The following PLEKHA8 variants were observed in gnomAD, a reference collection of about 807,000 sequenced individuals.
The protein encoded by PLEKHA8 is pleckstrin homology domain containing A8, also known as pleckstrin homology domain-containing family A member 8.
A neutral mutation model predicts 68.2 loss-of-function variants in PLEKHA8; 36 were observed. The ratio of observed to expected loss-of-function variants is 0.53; its 90% CI spans 0.40 to 0.70. PLEKHA8 has a LOEUF of 0.70. PLEKHA8 is among the 30% of genes least tolerant of loss of function. The pLI is 0.00. For missense variants in PLEKHA8, 505 were observed against 615.4 expected (o/e 0.82, Z 1.90); for synonymous variants, 211 against 216.1 (o/e 0.98, Z 0.20).
chr7:30,083,666 T>C lies in PLEKHA8; in HGVS notation c.*4879T>C. On this transcript the variant is annotated 3_prime_UTR_variant, in exon 14 of 14. Coordinates refer to ENST00000449726, the MANE Select transcript of PLEKHA8 (RefSeq NM_001197026.2). The stretch of plus-strand genomic sequence containing the variant: ...GGAAAAAAATACCACTACTCTGCAA[T>C]GCAAAAGTCTTCAAAATTCTTTGTT... 1 of 985,462 alleles carries C rather than the reference T, an allele frequency of 1.0e-6. No homozygotes were observed. The highest frequency in any genetic ancestry group is 1.2e-6 in the Non-Finnish European group (1 of 829,932). The allele number at this position is 985,462 out of a possible 1,614,324, so 61.0% of individuals were successfully genotyped here. A position where few individuals can be genotyped will look rare whatever the true frequency, so the allele number is the denominator to read the frequency against.
chr7:30,056,742 A>AGT (rs70980590), intron 9 of PLEKHA8, among the ~76,000 whole-genome samples: 3,816 of 74,650 alleles, frequency 0.051, 183 homozygotes, highest in African/African-American at 0.064. Context: ...AAAAAAAAAA[A>AGT]GTGTGTGTGT....
chr7:30,052,640 CAAAAAAAAAA>C (rs75714651), intron 6 of PLEKHA8, 59 bp from the exon 7 acceptor site: 247 of 1,066,752 alleles, frequency 2.3e-4, no homozygotes, highest in Admixed American at 3.6e-4. Context: ...GACCCTGTTT[CAAAAAAAAAA>C]AAAAAAAAAA....
intron 6 of PLEKHA8, among the ~76,000 whole-genome samples, chr7:30,051,237 G>A (rs1450321408): frequency 2.0e-5 from 3 of 151,954 alleles, no homozygotes; most frequent in Non-Finnish European, 4.4e-5. Flanking sequence ...ATATACTATT[G>A]CTTACTTCTT....
intron 13 of PLEKHA8, among the ~76,000 whole-genome samples, chr7:30,099,508 G>A (rs1795767414): frequency 6.6e-6 from 1 of 152,224 alleles, no homozygotes; most frequent in South Asian, 2.1e-4. Flanking sequence ...AGGTGGCAGT[G>A]AAGTTCATGT....
At chr7:30,047,719 C>CATAT (rs1792064435) in intron 3 of PLEKHA8, 113 bp from the exon 4 acceptor site, 1 of 1,097,890 alleles carries the variant, frequency 9.1e-7, no homozygotes, top group Non-Finnish European at 1.2e-6. Context: ...TGACTTTGGG[C>CATAT]ATATGTTCTG....
intron 9 of PLEKHA8, among the ~76,000 whole-genome samples, chr7:30,060,008 A>G (rs921051348): frequency 1.3e-5 from 2 of 151,776 alleles, no homozygotes; most frequent in Admixed American, 6.6e-5. Flanking sequence ...GTGATGGCAC[A>G]TGCCTGTAAT....
At position 30,081,832 on chromosome 7, in the gene PLEKHA8, A is replaced by T. The variant is rs1794947040; in HGVS notation, c.*3045A>T. 1 of 985,420 alleles carries T rather than the reference A, an allele frequency of 1.0e-6. No individual in the cohort carries two copies. Among genetic ancestry groups the T allele is most frequent in the South Asian group, 4.7e-5 (1 of 21,288 alleles). The allele number at this position is 985,420 out of a possible 1,614,324, so 61.0% of individuals were successfully genotyped here. A position where few individuals can be genotyped will look rare whatever the true frequency, so the allele number is the denominator to read the frequency against. ...TCGTGCCTGTACTTTTCTCTATGGTAAAAGCCAGTGTTTACACTTTGTAGG... is the reference window on the plus strand; with the variant it reads ...TCGTGCCTGTACTTTTCTCTATGGTTAAAGCCAGTGTTTACACTTTGTAGG... On this transcript the variant is annotated 3_prime_UTR_variant, in exon 14 of 14. Coordinates refer to ENST00000449726, the MANE Select transcript of PLEKHA8 (RefSeq NM_001197026.2).
At position 30,081,786 on chromosome 7, in the gene PLEKHA8, A is replaced by G; in HGVS notation, c.*2999A>G. The G allele has an allele frequency of 1.0e-6, 1 of 985,386 alleles. No individual in the cohort carries two copies. 61.0% of individuals were successfully genotyped at this position (985,386 alleles called of 1,614,324 possible). On this transcript the variant is annotated 3_prime_UTR_variant, in exon 14 of 14. Transcript: ENST00000449726. ...AGTAACATTAGGCTAACCCCTTATG[A>G]GACATTTCCACACAATTTCATCGTG...
downstream of PLEKHA8, among the ~76,000 whole-genome samples, chr7:30,092,805 G>A (rs1384835232): frequency 6.6e-6 from 1 of 152,204 alleles, no homozygotes; most frequent in Non-Finnish European, 1.5e-5. Context: ...TTAGAGACTG[G>A]GAGAGACGAT....
At chr7:30,111,568 G>A (rs1051122748) in intron 13 of PLEKHA8, among the ~76,000 whole-genome samples, 3 of 148,018 alleles carry the variant, frequency 2.0e-5, no homozygotes, top group Admixed American at 1.3e-4. Context: ...ACATTCTTGG[G>A]TTTGCATATT....
In PLEKHA8 at chr7:30,080,184, T is replaced by G; in HGVS notation, c.*1397T>G. The G allele has an allele frequency of 1.0e-6, 1 of 985,318 alleles. No homozygotes were observed. Among genetic ancestry groups the G allele is most frequent in the Non-Finnish European group, 1.2e-6 (1 of 829,830 alleles). The allele number at this position is 985,318 out of a possible 1,614,324, so 61.0% of individuals were successfully genotyped here. ...AAAGATGAGACTTAAGAAAACAGTTTCTTAAACTTCTTAAAACTTAAGAAA... is the reference window on the plus strand; with the variant it reads ...AAAGATGAGACTTAAGAAAACAGTTGCTTAAACTTCTTAAAACTTAAGAAA... On this transcript the variant is annotated 3_prime_UTR_variant, in exon 14 of 14. Transcript: ENST00000449726.
chr7:30,052,400 G>A (rs1376925150), intron 6 of PLEKHA8, among the ~76,000 whole-genome samples: 4 of 152,226 alleles, frequency 2.6e-5, no homozygotes, highest in Middle Eastern at 3.4e-3. Flanking sequence ...ACTTTAGAAC[G>A]CTGAGGTGGG....
At chr7:30,111,853 GTA>G (rs1796285867) in intron 13 of PLEKHA8, among the ~76,000 whole-genome samples, 1 of 152,050 alleles carries the variant, frequency 6.6e-6, no homozygotes, top group South Asian at 2.1e-4. Context: ...CTGTGTATAA[GTA>G]TATATATTTT....
downstream of PLEKHA8, among the ~76,000 whole-genome samples, chr7:30,095,656 A>G (rs543754966): frequency 1.4e-3 from 219 of 152,296 alleles, no homozygotes; most frequent in African/African-American, 5.0e-3. Flanking sequence ...TTATGGTTTT[A>G]GGTCTAACAT....
chr7:30,113,357 A>G (rs1796331146), intron 13 of PLEKHA8, among the ~76,000 whole-genome samples: 1 of 152,178 alleles, frequency 6.6e-6, no homozygotes, highest in Non-Finnish European at 1.5e-5. Context: ...ATTCTAGCTT[A>G]TCAGTTATTT....
intron 10 of PLEKHA8, among the ~76,000 whole-genome samples, chr7:30,061,331 A>G (rs536676247): frequency 2.0e-5 from 3 of 152,326 alleles, no homozygotes; most frequent in East Asian, 3.9e-4. Context: ...CTGGGACTCA[A>G]AAGGCCCATT....
At position 30,046,215 on chromosome 7, in the gene PLEKHA8, T is replaced by G; in HGVS notation, c.163T>G (p.Ser55Ala). The G allele has an allele frequency of 6.2e-7, 1 of 1,601,036 alleles. No homozygotes were observed. The highest frequency in any genetic ancestry group is 8.5e-7 in the Non-Finnish European group (1 of 1,173,672). Reference sequence around the variant, plus strand: ...TCCCTCTGTCTTGCTCCCAGTTCATTCTGTAGATAATACACGCATGGACCT... The same window carrying G: ...TCCCTCTGTCTTGCTCCCAGTTCATGCTGTAGATAATACACGCATGGACCT... ...QMAVCEIQVH[S>A]VDNTRMDLII... The change falls in exon 3 of 14, where the codon TCT becomes GCT. Residue 55 changes from serine (S) to alanine (A), a missense_variant. Ser to Ala is a moderately conservative substitution (Grantham distance 99, BLOSUM62 1). Coordinates refer to ENST00000449726, the MANE Select transcript of PLEKHA8 (RefSeq NM_001197026.2).
chr7:30,054,967 T>C (rs1183695178), intron 8 of PLEKHA8, 102 bp downstream of exon 8: 4 of 1,194,290 alleles, frequency 3.3e-6, no homozygotes, highest in Non-Finnish European at 4.7e-6. Context: ...TCTAGGAGAA[T>C]AGAGAATGTG....
chr7:30,070,994 G>C (rs1794198773), intron 12 of PLEKHA8, among the ~76,000 whole-genome samples: 1 of 152,182 alleles, frequency 6.6e-6, no homozygotes, highest in African/African-American at 2.4e-5. Flanking sequence ...GAATCAGAAT[G>C]ATCATGACTT....
Sources: gnomAD v4.1 joint callset for allele counts (sites outside exome capture counted in the v4.1 genomes callset) on GRCh38, gnomAD v4.1.1 for gene constraint, MANE v1.5 for transcripts, NCBI Gene and HGNC (gene_info 2026-07-23, HGNC 2026-07-21) for gene names.